The following SNX9 variants were observed in gnomAD, a reference collection of about 807,000 sequenced individuals.
SNX9 encodes the protein sorting nexin-9.
SNX9 carries 44 observed loss-of-function variants against 89.4 expected under a neutral mutation model. That is an observed-to-expected ratio of 0.49 (90% CI 0.39 to 0.63). The LOEUF (loss-of-function observed/expected upper bound fraction) is 0.63. SNX9 is among the 30% of genes least tolerant of loss of function. SNX9 has a pLI of 0.00. For missense variants in SNX9, 578 were observed against 736.1 expected (o/e 0.79, Z 2.49); for synonymous variants, 236 against 247.8 (o/e 0.95, Z 0.45).
At chr6:157,835,025 A>G (rs1281972850) in intron 1 of SNX9, among the ~76,000 whole-genome samples, 1 of 152,090 alleles carries the variant, frequency 6.6e-6, no homozygotes, top group Non-Finnish European at 1.5e-5. Context: ...ATTTAATTTT[A>G]TTTTTGAGAC....
chr6:157,938,327 C>T (rs185961699), intron 15 of SNX9, among the ~76,000 whole-genome samples: 6 of 152,358 alleles, frequency 3.9e-5, no homozygotes, highest in South Asian at 2.1e-4. Context: ...ATTTCCATTA[C>T]GTGCTACTCC....
intron 1 of SNX9, among the ~76,000 whole-genome samples, chr6:157,837,851 C>T (rs1781615838): frequency 6.6e-6 from 1 of 152,222 alleles, no homozygotes; most frequent in Non-Finnish European, 1.5e-5. Context: ...GGCAACTGAA[C>T]TGCACTGTTC....
At chr6:157,861,152 A>G (rs987570027) in intron 1 of SNX9, among the ~76,000 whole-genome samples, 3 of 152,218 alleles carry the variant, frequency 2.0e-5, no homozygotes, top group African/African-American at 7.2e-5. Flanking sequence ...GCTGCTACCA[A>G]TTCTTTTTAG....
At chr6:157,853,868 T>C (rs1781959424) in intron 1 of SNX9, among the ~76,000 whole-genome samples, 1 of 152,176 alleles carries the variant, frequency 6.6e-6, no homozygotes. Context: ...CTATGGGCTT[T>C]ATTTTTATTA....
intron 1 of SNX9, among the ~76,000 whole-genome samples, chr6:157,858,473 C>T (rs1390664995): frequency 6.6e-6 from 1 of 152,026 alleles, no homozygotes; most frequent in Non-Finnish European, 1.5e-5. Flanking sequence ...CCGCCTGTTT[C>T]GACTTCCCAA....
At chr6:157,825,485 A>T (rs1781326087) in intron 1 of SNX9, among the ~76,000 whole-genome samples, 1 of 152,176 alleles carries the variant, frequency 6.6e-6, no homozygotes, top group South Asian at 2.1e-4. Context: ...GTTCTTGTAT[A>T]TTAATCTCGA....
At chr6:157,900,660 G>A (rs1478381908) in intron 5 of SNX9, among the ~76,000 whole-genome samples, 1 of 152,122 alleles carries the variant, frequency 6.6e-6, no homozygotes, top group Non-Finnish European at 1.5e-5. Flanking sequence ...GGTCACATGG[G>A]GATGAAGTAA....
intron 1 of SNX9, among the ~76,000 whole-genome samples, chr6:157,849,303 A>G (rs1292684184): frequency 1.3e-5 from 2 of 152,244 alleles, no homozygotes; most frequent in Non-Finnish European, 2.9e-5. Context: ...GCTGGCCTGG[A>G]TAGATGAGGA....
chr6:157,937,681 G>T (rs1384013859), intron 15 of SNX9, among the ~76,000 whole-genome samples, 158 bp downstream of exon 15: 1 of 152,102 alleles, frequency 6.6e-6, no homozygotes, highest in East Asian at 1.9e-4. Flanking sequence ...ATTGGTTTGG[G>T]GTGTCCTCAC....
chr6:157,876,377 G>A (rs1782521751), intron 4 of SNX9, among the ~76,000 whole-genome samples: 1 of 152,134 alleles, frequency 6.6e-6, no homozygotes, highest in African/African-American at 2.4e-5. Context: ...ACTTGAACTG[G>A]GAGGCGGCCA....
rs1023786910 is a variant in SNX9 at position 157,823,370 on chromosome 6, C to T, written c.-65C>T. The T allele has an allele frequency of 1.5e-4, 189 of 1,264,304 alleles. 1 individual carries two copies. The highest frequency in any genetic ancestry group is 1.8e-4 in the Non-Finnish European group (184 of 996,528). The allele number at this position is 1,264,304 out of a possible 1,614,324, so 78.3% of individuals were successfully genotyped here. ...CTCGCCCTTGCCTTTGCCTGCGCGG[C>T]TCAGAATCACCATCCGCGGCGCGGG... On this transcript the variant is annotated 5_prime_UTR_variant, in exon 1 of 18. Coordinates refer to ENST00000392185, the MANE Select transcript of SNX9 (RefSeq NM_016224.5). The surrounding 1 kb of genome is among the most constrained non-coding windows in gnomAD (Gnocchi z 4.6).
At chr6:157,897,070 G>A in intron 5 of SNX9, 72 bp downstream of exon 5, 1 of 1,419,002 alleles carries the variant, frequency 7.0e-7, no homozygotes, top group Non-Finnish European at 9.4e-7. Context: ...AGACCGAACT[G>A]TTTTTGCTGT....
At chr6:157,939,595 A>G (rs907002904) in intron 16 of SNX9, among the ~76,000 whole-genome samples, 1 of 152,198 alleles carries the variant, frequency 6.6e-6, no homozygotes, top group Non-Finnish European at 1.5e-5. Flanking sequence ...GCACATTTGC[A>G]GGCTTTTCCA....
Position 157,944,716 on chromosome 6 carries a change from T to C in SNX9, c.*1878T>C, listed in dbSNP as rs550982311. 6.6e-6 allele frequency: 1 copy of C among 152,248 alleles called. No individual in the cohort carries two copies. Among genetic ancestry groups the C allele is most frequent in the East Asian group, 1.9e-4 (1 of 5,184 alleles). 9.4% of individuals were successfully genotyped at this position (152,248 alleles called of 1,614,324 possible). A position where few individuals can be genotyped will look rare whatever the true frequency, so the allele number is the denominator to read the frequency against. ...GAAGCGTATCATAACCACCTGGGAGTTGCCAAGAAGCAGACAGTCTCCCAG... is the reference window on the plus strand; with the variant it reads ...GAAGCGTATCATAACCACCTGGGAGCTGCCAAGAAGCAGACAGTCTCCCAG... On this transcript the variant is annotated 3_prime_UTR_variant, in exon 18 of 18. Coordinates refer to ENST00000392185, the MANE Select transcript of SNX9 (RefSeq NM_016224.5).
intron 2 of SNX9, among the ~76,000 whole-genome samples, chr6:157,870,516 T>G (rs570150932): frequency 8.6e-4 from 125 of 145,090 alleles, no homozygotes; most frequent in Non-Finnish European, 1.7e-3. Context: ...ATACATGCAC[T>G]CACCTGTGCA....
At chr6:157,919,301 A>AT (rs1401209459) in intron 9 of SNX9, among the ~76,000 whole-genome samples, 1 of 152,132 alleles carries the variant, frequency 6.6e-6, no homozygotes, top group Non-Finnish European at 1.5e-5. Flanking sequence ...TCATTCAGAT[A>AT]TTTTTTGTCT....
rs1455815676 is a variant in SNX9 at position 157,823,417 on chromosome 6, C to T, written c.-18C>T. On this transcript the variant is annotated 5_prime_UTR_variant, in exon 1 of 18. Coordinates refer to ENST00000392185, the MANE Select transcript of SNX9 (RefSeq NM_016224.5). The surrounding 1 kb of genome is among the most constrained non-coding windows in gnomAD (Gnocchi z 4.6). ...CGGGAGACGAGCCGGCCGTCCCGGG[C>T]CGGGGGACCCGCCCGCCATGGCCAC... The T allele has an allele frequency of 8.0e-6, 10 of 1,249,442 alleles. No individual in the cohort carries two copies. In the Admixed American group the frequency reaches 1.6e-4, roughly 19 times the overall value. 77.4% of individuals were successfully genotyped at this position (1,249,442 alleles called of 1,614,324 possible).
chr6:157,914,491 T>C (rs1000155031), intron 9 of SNX9, among the ~76,000 whole-genome samples: 130 of 144,912 alleles, frequency 9.0e-4, no homozygotes, highest in African/African-American at 3.1e-3. Flanking sequence ...TTTTTTTTTT[T>C]TGGAGACAGG....
intron 1 of SNX9, among the ~76,000 whole-genome samples, chr6:157,824,539 T>G (rs2115098803): frequency 6.6e-6 from 1 of 152,264 alleles, no homozygotes; most frequent in South Asian, 2.1e-4. Context: ...AGGTGTTTGC[T>G]TTTTTTGTGG....
Sources: gnomAD v4.1 joint callset for allele counts (sites outside exome capture counted in the v4.1 genomes callset) on GRCh38, gnomAD v4.1.1 for gene constraint, Gnocchi (gnomAD v3.1) non-coding constraint, MANE v1.5 for transcripts, NCBI Gene and HGNC (gene_info 2026-07-23, HGNC 2026-07-21) for gene names.